FADS6: variants seen among roughly 807,000 people sequenced by gnomAD.
The protein encoded by FADS6 is fatty acid desaturase 6.
A neutral mutation model predicts 31.7 loss-of-function variants in FADS6; 28 were observed. The ratio of observed to expected loss-of-function variants is 0.88; its 90% confidence interval spans 0.66 to 1.21. The LOEUF is 1.21. FADS6 is among the 50% of genes most tolerant of loss of function. The pLI is 0.00. For synonymous variants in FADS6, 191 were observed against 213.1 expected (o/e 0.90, Z 0.90); for missense variants, 494 against 504.2 (o/e 0.98, Z 0.19).
intron 4 of FADS6, 96 bp from the exon 5 acceptor site, chr17:74,879,679 C>A: frequency 7.6e-7 from 1 of 1,316,072 alleles, no homozygotes; most frequent in South Asian, 1.5e-5. Flanking sequence ...GTTCTTGTGT[C>A]ACCCACCTCC....
In FADS6 at chr17:74,886,654, T is replaced by C. The variant is rs377738869; in HGVS notation, c.412-3944A>G. 1.6e-4 allele frequency among the ~76,000 whole-genome samples: 24 copies of C among 152,264 alleles called. No homozygotes were observed. The South Asian group carries it at 3.7e-3, about 24-fold the overall frequency. On this transcript the variant is annotated intron_variant, in intron 2 of 5. Coordinates refer to ENST00000612771, the MANE Select transcript of FADS6 (RefSeq NM_178128.6). ...CACATTACCTATTTGAAAAATAAGT[T>C]AGTTTTGAAAACTACCAACTTAGAT...
At chr17:74,888,566 C>T (rs780605186) in intron 2 of FADS6, among the ~76,000 whole-genome samples, 3 of 152,084 alleles carry the variant, frequency 2.0e-5, no homozygotes, top group African/African-American at 7.2e-5. Context: ...TTTCCACCCC[C>T]ACAAGAGCCC....
At chr17:74,891,016 T>C (rs1378409306) in intron 2 of FADS6, among the ~76,000 whole-genome samples, 1 of 152,100 alleles carries the variant, frequency 6.6e-6, no homozygotes, top group African/African-American at 2.4e-5. Context: ...GTGCAATAAA[T>C]GCCTTGCAGC....
At chr17:74,889,110 C>T (rs1285872898) in intron 2 of FADS6, among the ~76,000 whole-genome samples, 1 of 152,158 alleles carries the variant, frequency 6.6e-6, no homozygotes, top group African/African-American at 2.4e-5. Flanking sequence ...GTGGAAGCCT[C>T]CCCCTCCAAC....
chr17:74,892,440 G>A (rs2038698488), intron 2 of FADS6, 83 bp downstream of exon 2: 1 of 1,499,136 alleles, frequency 6.7e-7, no homozygotes, highest in Non-Finnish European at 8.9e-7. Flanking sequence ...TGCACAGCTG[G>A]ACACACCCGC....
In FADS6 at chr17:74,889,570, C is replaced by CAA. The variant is rs554672201; in HGVS notation, c.411+2951_411+2952dup. On this transcript the variant is annotated intron_variant, in intron 2 of 5. Coordinates refer to ENST00000612771, the MANE Select transcript of FADS6 (RefSeq NM_178128.6). ...ACAAAAACAAAACAAACAAACAAAC[C>CAA]AAAAAAAAAAAAAGGCCGGGTACAG... is the stretch of plus-strand genomic sequence containing the variant. 2.9e-4 allele frequency among the ~76,000 whole-genome samples: 39 copies of CAA among 132,856 alleles called. 1 individual carries two copies. The highest frequency in any genetic ancestry group is 9.4e-4 in the African/African-American group (34 of 36,294). The allele number at this position is 132,856 out of a possible 152,430, so 87.2% of individuals were successfully genotyped here.
chr17:74,881,524 C>T (rs1180198850), intron 3 of FADS6, among the ~76,000 whole-genome samples: 1 of 152,008 alleles, frequency 6.6e-6, no homozygotes, highest in South Asian at 2.1e-4. Flanking sequence ...ATGGTGAAAC[C>T]CCATCTCTAT....
At chr17:74,888,879 G>A (rs891123976) in intron 2 of FADS6, among the ~76,000 whole-genome samples, 1 of 152,198 alleles carries the variant, frequency 6.6e-6, no homozygotes, top group Non-Finnish European at 1.5e-5. Flanking sequence ...ATCTGAGCAT[G>A]GTACAGTGCC....
intron 5 of FADS6, 112 bp downstream of exon 5, chr17:74,879,292 C>T (rs1310849035): frequency 1.1e-5 from 15 of 1,346,844 alleles, no homozygotes; most frequent in Non-Finnish European, 1.4e-5. Flanking sequence ...CCACCTCAGC[C>T]TCCGCAAGTG....
chr17:74,881,611 A>G (rs1433604579), intron 3 of FADS6, among the ~76,000 whole-genome samples: 1 of 151,800 alleles, frequency 6.6e-6, no homozygotes, highest in Non-Finnish European at 1.5e-5. Context: ...CTGGCCTCCC[A>G]AGCTCGGGTG....
chr17:74,879,548 C>A lies in FADS6; in HGVS notation c.816G>T (p.Lys272Asn). The part of the protein sequence containing the change: ...IGLPMFSRDN[K>N]PRRIHMMSLG... ...GGCTCATCATGTGAATCCGACGGGG[C>A]TTGTTGTCCCGGGAGAACATGGGCA... is the stretch of plus-strand genomic sequence containing the variant. Residue 272 changes from lysine to asparagine, a missense_variant, in exon 5 of 6, where the codon AAG (lysine) becomes AAT (asparagine). This residue lies in a region of FADS6 where 454 missense variants were observed against 438.5 expected (regional missense o/e 1.04). Transcript: ENST00000612771. The A allele has an allele frequency of 6.2e-7, 1 of 1,613,234 alleles. No individual in the cohort carries two copies. The highest frequency in any genetic ancestry group is 8.5e-7 in the Non-Finnish European group (1 of 1,179,822).
chr17:74,878,780 T>C lies in FADS6; in HGVS notation c.961-303A>G, dbSNP rs182144797. 6.6e-5 allele frequency among the ~76,000 whole-genome samples: 10 copies of C among 152,290 alleles called. No homozygotes were observed. In the East Asian group the frequency reaches 1.9e-3, roughly 29 times the overall value. ...CCTACCATGTGCCAAACATTTCAGATATATTTCTCCATTTCATCCTCAAAG... is the reference window on the plus strand; with the variant it reads ...CCTACCATGTGCCAAACATTTCAGACATATTTCTCCATTTCATCCTCAAAG... On this transcript the variant is annotated intron_variant, in intron 5 of 5. Coordinates refer to ENST00000612771, the MANE Select transcript of FADS6 (RefSeq NM_178128.6).
chr17:74,892,157 G>A (rs1057163149), intron 2 of FADS6, among the ~76,000 whole-genome samples: 1 of 152,172 alleles, frequency 6.6e-6, no homozygotes, highest in African/African-American at 2.4e-5. Context: ...AGCATCATCC[G>A]GAGTAAGGAC....
chr17:74,888,647 G>A (rs1273710810), intron 2 of FADS6, among the ~76,000 whole-genome samples: 1 of 152,188 alleles, frequency 6.6e-6, no homozygotes, highest in African/African-American at 2.4e-5. Flanking sequence ...CAGCAGCTGT[G>A]GCTCCAAGCC....
intron 2 of FADS6, among the ~76,000 whole-genome samples, chr17:74,884,585 C>A (rs1200095734): frequency 6.6e-6 from 1 of 152,158 alleles, no homozygotes; most frequent in East Asian, 1.9e-4. Context: ...GCAATCATGG[C>A]AGATCACAAT....
intron 5 of FADS6, 21 bp downstream of exon 5, chr17:74,879,383 C>A (rs775181944): frequency 6.2e-7 from 1 of 1,610,600 alleles, no homozygotes; most frequent in South Asian, 1.1e-5. Flanking sequence ...TTCCAGCGCC[C>A]CCAGCCCAGC....
At chr17:74,888,553 C>T (rs949599819) in intron 2 of FADS6, among the ~76,000 whole-genome samples, 1 of 152,116 alleles carries the variant, frequency 6.6e-6, no homozygotes, top group Non-Finnish European at 1.5e-5. Context: ...GTTCCTGGCC[C>T]TGTTTCCACC....
At chr17:74,892,180 G>A (rs2038696181) in intron 2 of FADS6, among the ~76,000 whole-genome samples, 1 of 152,152 alleles carries the variant, frequency 6.6e-6, no homozygotes, top group African/African-American at 2.4e-5. Context: ...TGCCCCTTGT[G>A]GACACTGGGC....
At chr17:74,879,172 G>GACCACAAGCATGTGCC (rs2038539342) in intron 5 of FADS6, 1 of 512,476 alleles carries the variant, frequency 2.0e-6, no homozygotes, top group Non-Finnish European at 3.5e-6. Flanking sequence ...AAGCAGCTGG[G>GACCACAAGCATGTGCC]ACCACAAGCA....
Sources: allele counts gnomAD v4.1 joint callset (sites outside exome capture counted in the v4.1 genomes callset), GRCh38; gene constraint gnomAD v4.1.1; regional missense constraint gnomAD v4.1.1; transcripts MANE v1.5; gene names NCBI Gene and HGNC (gene_info 2026-07-23, HGNC 2026-07-21).